PCDH15: variants seen among roughly 807,000 people sequenced by gnomAD.
PCDH15 encodes protocadherin-15.
In PCDH15, 129 loss-of-function variants were observed where a neutral mutation model predicts 178.5. That is an observed-to-expected ratio of 0.72 (90% CI 0.63 to 0.84). The LOEUF is 0.84. Among genes scored for constraint, PCDH15 ranks in the 40% least tolerant of loss-of-function variants. The pLI is 0.00. For missense variants in PCDH15, 2,230 were observed against 2,099.9 expected (o/e 1.06, Z -1.21); for synonymous variants, 800 against 732.0 (o/e 1.09, Z -1.50).
intron 2 of PCDH15, among the ~76,000 whole-genome samples, chr10:55,044,033 A>G (rs536393416): frequency 6.6e-6 from 1 of 152,286 alleles, no homozygotes; most frequent in East Asian, 1.9e-4. Context: ...GACAGCCACT[A>G]TCCATCAGCT....
At chr10:53,961,284 T>A (rs2088280797) in intron 22 of PCDH15, among the ~76,000 whole-genome samples, 1 of 152,042 alleles carries the variant, frequency 6.6e-6, no homozygotes, top group Non-Finnish European at 1.5e-5. Context: ...ATACAAGTAG[T>A]TGCATGATAG....
intron 2 of PCDH15, among the ~76,000 whole-genome samples, chr10:54,646,526 G>A (rs2135095645): frequency 6.6e-6 from 1 of 152,084 alleles, no homozygotes; most frequent in African/African-American, 2.4e-5. Context: ...TAAAGTTCCA[G>A]GGGGCGGGGC....
intron 2 of PCDH15, among the ~76,000 whole-genome samples, chr10:54,541,033 C>T (rs1201468428): frequency 6.6e-6 from 1 of 152,100 alleles, no homozygotes; most frequent in African/African-American, 2.4e-5. Context: ...CCATATATGA[C>T]ACAATACAGC....
At chr10:54,737,077 T>C (rs140830995) in intron 1 of PCDH15, among the ~76,000 whole-genome samples, 50 of 152,242 alleles carry the variant, frequency 3.3e-4, no homozygotes, top group Non-Finnish European at 5.9e-4. Context: ...AAGCATTACA[T>C]GCCTCAGTGG....
chr10:55,110,943 A>G (rs546964401), intron 2 of PCDH15, among the ~76,000 whole-genome samples: 13 of 152,250 alleles, frequency 8.5e-5, no homozygotes, highest in Admixed American at 7.8e-4. Flanking sequence ...ATATCAGTTT[A>G]TATCCTCTAT....
intron 26 of PCDH15, among the ~76,000 whole-genome samples, chr10:53,884,413 G>T (rs973672027): frequency 6.6e-6 from 1 of 152,126 alleles, no homozygotes; most frequent in African/African-American, 2.4e-5. Context: ...AACCATGGAA[G>T]ATTAAATTAA....
At chr10:55,059,606 C>G (rs1564757732) in intron 2 of PCDH15, among the ~76,000 whole-genome samples, 1 of 152,130 alleles carries the variant, frequency 6.6e-6, no homozygotes. Context: ...CTGTATGTCT[C>G]TTGCCAGCTG....
intron 1 of PCDH15, among the ~76,000 whole-genome samples, chr10:55,216,892 T>C (rs796768104): frequency 3.9e-5 from 6 of 152,006 alleles, no homozygotes; most frequent in African/African-American, 1.4e-4. Flanking sequence ...TTTCTCCATG[T>C]AAGTAAAGCT....
At chr10:54,255,672 C>A (rs2132173070) in intron 8 of PCDH15, among the ~76,000 whole-genome samples, 1 of 152,082 alleles carries the variant, frequency 6.6e-6, no homozygotes, top group South Asian at 2.1e-4. Context: ...AATAGGCTGG[C>A]AATTATGCAT....
intron 23 of PCDH15, among the ~76,000 whole-genome samples, chr10:53,945,993 GCC>G (rs1424030368): frequency 6.6e-6 from 1 of 150,972 alleles, no homozygotes; most frequent in Non-Finnish European, 1.5e-5. Context: ...TCCACCAATA[GCC>G]TGATTTAAAA....
At chr10:55,335,563 T>A (rs911320674) in intron 2 of PCDH15, among the ~76,000 whole-genome samples, 1 of 152,216 alleles carries the variant, frequency 6.6e-6, no homozygotes, top group Non-Finnish European at 1.5e-5. Flanking sequence ...AGTAATTTGC[T>A]TGTGGTAATT....
At chr10:54,548,801 T>C (rs1385991201) in intron 2 of PCDH15, among the ~76,000 whole-genome samples, 1 of 151,222 alleles carries the variant, frequency 6.6e-6, no homozygotes, top group Non-Finnish European at 1.5e-5. Flanking sequence ...TGAAGAACAT[T>C]GTAATTTTGT....
At chr10:54,161,437 T>C (rs2045701781) in intron 13 of PCDH15, among the ~76,000 whole-genome samples, 1 of 152,086 alleles carries the variant, frequency 6.6e-6, no homozygotes, top group Non-Finnish European at 1.5e-5. Flanking sequence ...GAGTAAAGTT[T>C]TGGGGTGATG....
intron 2 of PCDH15, among the ~76,000 whole-genome samples, chr10:54,549,588 G>A (rs1182260552): frequency 1.3e-5 from 2 of 151,634 alleles, no homozygotes; most frequent in East Asian, 3.9e-4. Flanking sequence ...CATTTTTAAA[G>A]TTTCATTTGT....
chr10:55,607,035 TCAAA>T (rs1406102351), intron 2 of PCDH15, among the ~76,000 whole-genome samples: 3 of 151,628 alleles, frequency 2.0e-5, no homozygotes, highest in African/African-American at 7.3e-5. Flanking sequence ...TACAATGAAC[TCAAA>T]CAAATTTACA....
chr10:55,622,673 T>C (rs1377693163), intron 2 of PCDH15, among the ~76,000 whole-genome samples: 1 of 152,166 alleles, frequency 6.6e-6, no homozygotes, highest in Non-Finnish European at 1.5e-5. Context: ...CTTAGAAGAC[T>C]ATCATGAAAT....
chr10:54,791,916 T>C (rs754618301), intron 1 of PCDH15, among the ~76,000 whole-genome samples: 1 of 151,882 alleles, frequency 6.6e-6, no homozygotes, highest in Non-Finnish European at 1.5e-5. Context: ...ACAATGTGCA[T>C]TAGGAAGACT....
At chr10:53,809,946 G>A (rs995436354) in intron 37 of PCDH15, among the ~76,000 whole-genome samples, 14 of 152,006 alleles carry the variant, frequency 9.2e-5, no homozygotes, top group Non-Finnish European at 1.0e-4. Context: ...AAAATATGAC[G>A]ATTTATCTCA....
At chr10:54,106,457 A>AT (rs1410553287) in intron 15 of PCDH15, among the ~76,000 whole-genome samples, 1 of 152,174 alleles carries the variant, frequency 6.6e-6, no homozygotes, top group Non-Finnish European at 1.5e-5. Flanking sequence ...AGGTCATGGG[A>AT]TGTCTTAACA....
Sources: gnomAD v4.1 joint callset for allele counts (sites outside exome capture counted in the v4.1 genomes callset) on GRCh38, gnomAD v4.1.1 for gene constraint, MANE v1.5 for transcripts, NCBI Gene and HGNC (gene_info 2026-07-23, HGNC 2026-07-21) for gene names.